The following AGBL1 variants were observed in gnomAD, a reference collection of about 807,000 sequenced individuals.
AGBL1 encodes cytosolic carboxypeptidase 4.
AGBL1 carries 130 observed loss-of-function variants against 118.9 expected under a neutral mutation model. The observed-to-expected ratio is 1.09, with a 90% CI of 0.95 to 1.26. The LOEUF is 1.26. Ranked by LOEUF, AGBL1 falls within the 50% of genes most tolerant of loss-of-function variation. The probability of loss-of-function intolerance (pLI) is 0.00; values close to 1 mark genes in which losing one functional copy is unlikely to be tolerated. For missense variants in AGBL1, 1,584 were observed against 1,298.1 expected (o/e 1.22, Z -3.38); for synonymous variants, 555 against 478.9 (o/e 1.16, Z -2.08).
chr15:86,502,593 C>T (rs1475069708), intron 18 of AGBL1, among the ~76,000 whole-genome samples: 1 of 114,814 alleles, frequency 8.7e-6, no homozygotes, highest in Non-Finnish European at 1.9e-5. Flanking sequence ...AAGTTCCCTT[C>T]TTAGTTTTTT....
intron 22 of AGBL1, among the ~76,000 whole-genome samples, chr15:86,878,140 AT>A (rs2079839380): frequency 6.6e-6 from 1 of 152,210 alleles, no homozygotes; most frequent in Non-Finnish European, 1.5e-5. Context: ...CTTTTGTGTC[AT>A]GAGACTCTGG....
At chr15:86,970,124 A>G (rs771612378) in intron 23 of AGBL1, among the ~76,000 whole-genome samples, 4 of 151,978 alleles carry the variant, frequency 2.6e-5, no homozygotes, top group Non-Finnish European at 5.9e-5. Flanking sequence ...CTGTCTTTCA[A>G]TTGCGGAGGA....
intron 18 of AGBL1, among the ~76,000 whole-genome samples, chr15:86,406,124 C>A (rs190943326): frequency 1.3e-5 from 2 of 152,274 alleles, no homozygotes; most frequent in Admixed American, 1.3e-4. Context: ...ACTATGGGAG[C>A]TGAAGGAGTA....
At chr15:86,992,275 C>T (rs1456738979) in intron 24 of AGBL1, among the ~76,000 whole-genome samples, 1 of 152,140 alleles carries the variant, frequency 6.6e-6, no homozygotes, top group Non-Finnish European at 1.5e-5. Context: ...AATCTGCCCC[C>T]ATGACAAAAA....
At chr15:86,726,967 G>A (rs1001164564) in intron 22 of AGBL1, among the ~76,000 whole-genome samples, 11 of 151,270 alleles carry the variant, frequency 7.3e-5, no homozygotes, top group African/African-American at 1.2e-4. Flanking sequence ...TCAGATACAC[G>A]TGGGGAGCTT....
chr15:86,644,647 A>AT (rs2085247334), intron 21 of AGBL1, among the ~76,000 whole-genome samples: 1 of 151,920 alleles, frequency 6.6e-6, no homozygotes, highest in South Asian at 2.1e-4. Flanking sequence ...AAAAAAAAAA[A>AT]AAAAATCAAT....
At chr15:86,641,001 C>G (rs1044801340) in intron 21 of AGBL1, among the ~76,000 whole-genome samples, 25 of 151,264 alleles carry the variant, frequency 1.7e-4, no homozygotes, top group African/African-American at 6.1e-4. Flanking sequence ...TGGCCATTTG[C>G]ATTTATTCTT....
At chr15:86,781,753 C>T (rs2078339292) in intron 22 of AGBL1, among the ~76,000 whole-genome samples, 1 of 152,140 alleles carries the variant, frequency 6.6e-6, no homozygotes, top group Non-Finnish European at 1.5e-5. Flanking sequence ...GTAGTGGAGC[C>T]TCAGCTTGAG....
At chr15:86,544,131 A>C (rs1202121449) in intron 19 of AGBL1, among the ~76,000 whole-genome samples, 1 of 152,218 alleles carries the variant, frequency 6.6e-6, no homozygotes, top group Non-Finnish European at 1.5e-5. Context: ...AACCACAGCA[A>C]AACTTAGTGG....
At chr15:86,721,346 T>C (rs1486634768) in intron 22 of AGBL1, among the ~76,000 whole-genome samples, 1 of 152,152 alleles carries the variant, frequency 6.6e-6, no homozygotes, top group African/African-American at 2.4e-5. Context: ...TGGTTCAACA[T>C]ATGCAAATCA....
At chr15:86,479,420 GATATGAACAGAC>G (rs1472492258) in intron 18 of AGBL1, among the ~76,000 whole-genome samples, 1 of 152,120 alleles carries the variant, frequency 6.6e-6, no homozygotes, top group Non-Finnish European at 1.5e-5. Context: ...GTGGGCAAAG[GATATGAACAGAC>G]ACTTCTCAAA....
At chr15:86,607,627 C>A (rs1167075210) in intron 21 of AGBL1, among the ~76,000 whole-genome samples, 1 of 152,154 alleles carries the variant, frequency 6.6e-6, no homozygotes, top group Non-Finnish European at 1.5e-5. Context: ...GTAGTGGTAT[C>A]TCACTGTTGC....
At chr15:86,217,960 C>T (rs990586513) in intron 5 of AGBL1, among the ~76,000 whole-genome samples, 2 of 152,120 alleles carry the variant, frequency 1.3e-5, no homozygotes, top group African/African-American at 4.8e-5. Flanking sequence ...GAAGGAGATA[C>T]AGAGTGGATA....
Position 86,321,708 on chromosome 15 carries a change from T to C in AGBL1, c.2374+26300T>C, listed in dbSNP as rs1447019908. On this transcript the variant is annotated intron_variant, in intron 17 of 22. Coordinates refer to ENST00000614907, the MANE Select transcript of AGBL1 (RefSeq NM_001386094.1). ...AGGAGAATTGCTTGAACTTAGGAGG[T>C]GAAGCCTGCAGTTAGCTAAAAGTGC... 2.6e-5 allele frequency among the ~76,000 whole-genome samples: 4 copies of C among 151,530 alleles called. No individual in the cohort carries two copies. In the East Asian group the frequency reaches 7.8e-4, roughly 29 times the overall value.
rs183455196 is a variant in AGBL1 at position 86,200,647 on chromosome 15, G to A, written c.489-24267G>A. ...CTTTTTTTTTTTGAGATGGAGTCTC[G>A]CTCTTGTCACCCAGGCTGGAGTGCA... On this transcript the variant is annotated intron_variant, in intron 5 of 22. Coordinates refer to ENST00000614907, the MANE Select transcript of AGBL1 (RefSeq NM_001386094.1). Among the ~76,000 whole-genome samples the A allele has an allele frequency of 8.5e-3, 1,175 of 138,936 alleles. 15 individuals are homozygous for A. The highest frequency in any genetic ancestry group is 0.031 in the African/African-American group (1,136 of 36,998). 91.1% of individuals were successfully genotyped at this position (138,936 alleles called of 152,430 possible). A position where few individuals can be genotyped will look rare whatever the true frequency, so the allele number is the denominator to read the frequency against.
chr15:86,805,786 C>G (rs1339893150), intron 22 of AGBL1, among the ~76,000 whole-genome samples: 3 of 152,116 alleles, frequency 2.0e-5, no homozygotes, highest in Non-Finnish European at 4.4e-5. Flanking sequence ...CTTTCTACAA[C>G]CAACTACAAC....
chr15:86,328,573 G>A lies in AGBL1; in HGVS notation c.2374+33165G>A, dbSNP rs1036034005. Among the ~76,000 whole-genome samples, 13 of 152,132 alleles carry A rather than the reference G, an allele frequency of 8.5e-5. No homozygotes were observed. In the East Asian group the frequency reaches 2.3e-3, roughly 27 times the overall value. Reference sequence around the variant, plus strand: ...AGCCTTAACTCAAGAGGAAAAACAGGAATCCACCAGAATCATGAAGGACAC... The same window carrying A: ...AGCCTTAACTCAAGAGGAAAAACAGAAATCCACCAGAATCATGAAGGACAC... On this transcript the variant is annotated intron_variant, in intron 17 of 22. Coordinates refer to ENST00000614907, the MANE Select transcript of AGBL1 (RefSeq NM_001386094.1).
At chr15:86,676,344 A>C (rs1164545267) in intron 22 of AGBL1, among the ~76,000 whole-genome samples, 2 of 152,146 alleles carry the variant, frequency 1.3e-5, no homozygotes, top group Non-Finnish European at 2.9e-5. Context: ...ATTCTTGCCC[A>C]AAGGACCTGA....
At chr15:86,234,993 C>T (rs1228078846) in intron 6 of AGBL1, among the ~76,000 whole-genome samples, 2 of 151,938 alleles carry the variant, frequency 1.3e-5, no homozygotes, top group African/African-American at 2.4e-5. Flanking sequence ...TCTGTAAAAG[C>T]GCCAGATGAT....
Sources: allele counts gnomAD v4.1 joint callset (sites outside exome capture counted in the v4.1 genomes callset), GRCh38; gene constraint gnomAD v4.1.1; transcripts MANE v1.5; gene names NCBI Gene and HGNC (gene_info 2026-07-23, HGNC 2026-07-21).